Variants in UPRT observed in about 807,000 individuals in gnomAD.
UPRT encodes the protein RP11-311P8.3.
Under a neutral mutation model 22.6 loss-of-function variants are expected in UPRT, and 5 were observed. The ratio of observed to expected loss-of-function variants is 0.22; its 90% CI spans 0.12 to 0.47. The LOEUF is 0.47. Among genes scored for constraint, UPRT ranks in the 20% least tolerant of loss-of-function variants. UPRT has a pLI of 0.99. For synonymous variants in UPRT, 77 were observed against 87.7 expected, an observed-to-expected ratio of 0.88 and a Z score of 0.68; for missense variants, 181 against 239.9, an observed-to-expected ratio of 0.75 and a Z score of 1.62.
intron 1 of UPRT, among the ~76,000 whole-genome samples, chrX:75,281,730 T>G (rs1324503988): frequency 8.9e-6 from 1 of 111,836 alleles, no homozygotes; most frequent in African/African-American, 3.3e-5. Context: ...GTTTTCTTTT[T>G]TGGTCATATC....
chrX:75,237,306 T>C (rs1334522724), intron 4 of UPRT, among the ~76,000 whole-genome samples: 13 of 111,285 alleles, frequency 1.2e-4, no homozygotes, highest in Admixed American at 8.5e-4. Flanking sequence ...ACAACAGGTG[T>C]TGGAGAGGAT....
In UPRT at chrX:75,303,765, C is replaced by CA. The variant is rs780668824; in HGVS notation, c.*255dup. On this transcript the variant is annotated 3_prime_UTR_variant, in exon 7 of 7. Coordinates refer to ENST00000373383, the MANE Select transcript of UPRT (RefSeq NM_145052.4). ...ATTCTAATGCAAATTACTGAACCCT[C>CA]AGTGCATTAAAATTATTTCCTAATT... The CA allele has an allele frequency of 2.0e-5, 4 of 197,669 alleles. No individual in the cohort carries two copies. The highest frequency in any genetic ancestry group is 1.2e-4 in the African/African-American group (4 of 32,866). The allele number at this position is 197,669 out of a possible 1,213,427, so 16.3% of individuals were successfully genotyped here.
At chrX:75,213,589 C>T (rs972694962) in intron 4 of UPRT, among the ~76,000 whole-genome samples, 1 of 111,330 alleles carries the variant, frequency 9.0e-6, no homozygotes, top group Middle Eastern at 4.2e-3. Context: ...AAGGAATCCA[C>T]GTTAAATATA....
At chrX:75,272,319 T>TAC (rs1555975285), upstream of UPRT, among the ~76,000 whole-genome samples, 2 of 88,343 alleles carry the variant, frequency 2.3e-5, no homozygotes, top group African/African-American at 4.5e-5. Flanking sequence ...TGTGTATATA[T>TAC]ACATATATAT....
chrX:75,240,294 C>T (rs1450407683), intron 4 of UPRT, among the ~76,000 whole-genome samples: 1 of 111,160 alleles, frequency 9.0e-6, no homozygotes, highest in African/African-American at 3.3e-5. Context: ...CACTGCTATA[C>T]ACCAGCAGTG....
At chrX:75,206,943 C>G (rs748188981) in intron 4 of UPRT, among the ~76,000 whole-genome samples, 1 of 112,443 alleles carries the variant, frequency 8.9e-6, no homozygotes, top group Admixed American at 9.4e-5. Flanking sequence ...AGATTACAGG[C>G]GTGAGCCACC....
chrX:75,172,526 A>T (rs2082231217), intron 4 of UPRT, among the ~76,000 whole-genome samples: 1 of 112,090 alleles, frequency 8.9e-6, no homozygotes, highest in Non-Finnish European at 1.9e-5. Flanking sequence ...TGAGAAAGCA[A>T]GCAGTGCTTT....
chrX:75,188,732 G>A (rs192014071), intron 4 of UPRT, among the ~76,000 whole-genome samples: 314 of 112,656 alleles, frequency 2.8e-3, no homozygotes, highest in African/African-American at 9.3e-3. Context: ...CTGGTGCCCC[G>A]TTTTTTAAGC....
At chrX:75,278,195 C>A (rs2082639073) in intron 1 of UPRT, among the ~76,000 whole-genome samples, 2 of 111,508 alleles carry the variant, frequency 1.8e-5, no homozygotes, top group African/African-American at 6.5e-5. Flanking sequence ...TGTGAATTGA[C>A]TTTGGTATGG....
chrX:75,165,945 C>G, intron 3 of UPRT, among the ~76,000 whole-genome samples: 1 of 111,306 alleles, frequency 9.0e-6, no homozygotes, highest in East Asian at 2.8e-4. Flanking sequence ...ATTCACATAT[C>G]ATGGAAAGTT....
intron 4 of UPRT, among the ~76,000 whole-genome samples, chrX:75,299,005 A>G (rs966708270): frequency 8.8e-6 from 1 of 113,053 alleles, no homozygotes; most frequent in Non-Finnish European, 1.9e-5. Context: ...AGTGAAAACA[A>G]TAAATTTAAG....
At chrX:75,300,440 A>G (rs1423391096) in intron 5 of UPRT, among the ~76,000 whole-genome samples, 1 of 111,911 alleles carries the variant, frequency 8.9e-6, no homozygotes, top group Non-Finnish European at 1.9e-5. Flanking sequence ...AAGAACAAGT[A>G]CCTTCATATG....
intron 4 of UPRT, among the ~76,000 whole-genome samples, chrX:75,210,344 G>T (rs1171980665): frequency 9.0e-6 from 1 of 111,276 alleles, no homozygotes; most frequent in East Asian, 2.8e-4. Context: ...TATATGTCAT[G>T]CCAGGTAAGG....
chrX:75,178,429 G>A (rs369490020), intron 4 of UPRT, among the ~76,000 whole-genome samples: 22 of 112,069 alleles, frequency 2.0e-4, no homozygotes, highest in African/African-American at 5.5e-4. Context: ...GGCGATAGGC[G>A]AAAGTCCCTT....
intron 1 of UPRT, among the ~76,000 whole-genome samples, chrX:75,279,255 C>T (rs1181103131): frequency 1.8e-5 from 2 of 111,734 alleles, no homozygotes; most frequent in Middle Eastern, 8.4e-3. Context: ...CTGGAGGAAT[C>T]TCCCAACATT....
At chrX:75,186,153 G>T (rs1301379693) in intron 4 of UPRT, among the ~76,000 whole-genome samples, 7 of 110,531 alleles carry the variant, frequency 6.3e-5, no homozygotes, top group Admixed American at 9.6e-5. Context: ...TCTCTTGTGG[G>T]CATGTAGTGC....
chrX:75,219,631 A>G (rs1279131630), intron 4 of UPRT, among the ~76,000 whole-genome samples: 1 of 111,720 alleles, frequency 9.0e-6, no homozygotes, highest in Non-Finnish European at 1.9e-5. Flanking sequence ...ATGAACAGGA[A>G]AGCAAAAAAC....
At chrX:75,225,004 A>G (rs1243075394) in intron 4 of UPRT, among the ~76,000 whole-genome samples, 1 of 111,394 alleles carries the variant, frequency 9.0e-6, no homozygotes, top group East Asian at 2.8e-4. Flanking sequence ...AACAATGGCA[A>G]GCTTCTGAGT....
At chrX:75,259,541 G>A (rs772564244) in intron 4 of UPRT, among the ~76,000 whole-genome samples, 31 of 108,691 alleles carry the variant, frequency 2.9e-4, no homozygotes, top group African/African-American at 7.7e-4. Flanking sequence ...GAAATAAAGC[G>A]AGAAAAGAAG....
Sources: allele counts gnomAD v4.1 joint callset (sites outside exome capture counted in the v4.1 genomes callset), GRCh38; gene constraint gnomAD v4.1.1; transcripts MANE v1.5; gene names NCBI Gene and HGNC (gene_info 2026-07-23, HGNC 2026-07-21).